The following AATF variants were observed in gnomAD, a reference collection of about 807,000 sequenced individuals.
AATF encodes apoptosis antagonizing transcription factor.
AATF carries 48 observed loss-of-function variants against 63.7 expected under a neutral mutation model. The ratio of observed to expected loss-of-function variants is 0.75; its 90% CI spans 0.60 to 0.96. The LOEUF is 0.96. Ranked by LOEUF, AATF falls within the 40% of genes least tolerant of loss-of-function variation. The pLI is 0.00. For synonymous variants in AATF, 258 were observed against 247.7 expected, an observed-to-expected ratio of 1.04 and a Z score of -0.39; for missense variants, 639 against 685.7, an observed-to-expected ratio of 0.93 and a Z score of 0.76.
At chr17:37,031,329 G>A in intron 10 of AATF, 1 of 466,908 alleles carries the variant, frequency 2.1e-6, no homozygotes, top group South Asian at 2.7e-5. Context: ...GAGCATGTGT[G>A]TAGATTACAT....
At chr17:37,018,831 T>TA in intron 8 of AATF, 174 bp from the exon 9 acceptor site, 1 of 610,226 alleles carries the variant, frequency 1.6e-6, no homozygotes, top group Non-Finnish European at 2.9e-6. Flanking sequence ...TTTAAAGATA[T>TA]ATAACTATGA....
intron 4 of AATF, among the ~76,000 whole-genome samples, chr17:36,967,330 A>G (rs954577739): frequency 2.6e-5 from 4 of 152,190 alleles, no homozygotes; most frequent in African/African-American, 2.4e-5. Flanking sequence ...TAAATACACT[A>G]TGATTATTTT....
intron 8 of AATF, among the ~76,000 whole-genome samples, chr17:37,005,701 C>T (rs1364620317): frequency 6.6e-6 from 1 of 152,134 alleles, no homozygotes; most frequent in African/African-American, 2.4e-5. Flanking sequence ...TTCTTCCTGC[C>T]TTTATTATAA....
At chr17:37,014,553 T>C (rs990356482) in intron 8 of AATF, among the ~76,000 whole-genome samples, 1 of 152,154 alleles carries the variant, frequency 6.6e-6, no homozygotes, top group African/African-American at 2.4e-5. Flanking sequence ...ATCACCTCTT[T>C]ATATGTAACC....
At chr17:37,031,800 C>A in intron 11 of AATF, 115 bp downstream of exon 11, 1 of 870,780 alleles carries the variant, frequency 1.1e-6, no homozygotes, top group Non-Finnish European at 1.9e-6. Flanking sequence ...TTGTCATTGG[C>A]ATCGCAGTAA....
At chr17:37,027,746 A>G (rs1421115216) in intron 10 of AATF, among the ~76,000 whole-genome samples, 2 of 152,170 alleles carry the variant, frequency 1.3e-5, no homozygotes, top group African/African-American at 2.4e-5. Context: ...TTTGTATATT[A>G]TACTTAATTA....
chr17:36,985,404 A>G (rs1363660995), intron 4 of AATF, among the ~76,000 whole-genome samples: 2 of 149,056 alleles, frequency 1.3e-5, no homozygotes, highest in Non-Finnish European at 3.0e-5. Context: ...TCCACCAAGT[A>G]GCTGGAACTA....
At chr17:36,950,148 C>T (rs2070841794) in intron 1 of AATF, 66 bp from the exon 2 acceptor site, 3 of 1,551,176 alleles carry the variant, frequency 1.9e-6, no homozygotes, top group Non-Finnish European at 2.6e-6. Context: ...AATGGGTCGA[C>T]CAGGGTTCCC....
At chr17:37,046,739 A>C (rs1437967191) in intron 11 of AATF, among the ~76,000 whole-genome samples, 8 of 144,650 alleles carry the variant, frequency 5.5e-5, no homozygotes, top group African/African-American at 2.3e-4. Flanking sequence ...CAACACACAC[A>C]CACACACACA....
At chr17:37,021,152 G>C (rs1450481908) in intron 10 of AATF, 138 bp downstream of exon 10, 19 of 597,480 alleles carry the variant, frequency 3.2e-5, no homozygotes, top group Non-Finnish European at 5.1e-5. Flanking sequence ...ATATTTGAAG[G>C]TTTATTGCAA....
At position 36,949,030 on chromosome 17, in the gene AATF, C is replaced by A. The variant is rs1003324251; in HGVS notation, c.-96C>A. The A allele has an allele frequency of 6.2e-5, 72 of 1,167,178 alleles. No individual in the cohort carries two copies. The highest frequency in any genetic ancestry group is 2.0e-4 in the Middle Eastern group (1 of 5,102). The allele number at this position is 1,167,178 out of a possible 1,614,324, so 72.3% of individuals were successfully genotyped here. A position where few individuals can be genotyped will look rare whatever the true frequency, so the allele number is the denominator to read the frequency against. The stretch of plus-strand genomic sequence containing the variant: ...CTCTGGCGGAGTCGGGGAATCGGAT[C>A]AAGGCGAGAGGATCCGGCAGGGAAG... On this transcript the variant is annotated 5_prime_UTR_variant, in exon 1 of 12. Transcript: ENST00000619387.
At chr17:37,031,519 G>A (rs2071551682) in intron 10 of AATF, 95 bp from the exon 11 acceptor site, 2 of 1,008,500 alleles carry the variant, frequency 2.0e-6, no homozygotes, top group Non-Finnish European at 3.2e-6. Flanking sequence ...ATGTTCCAGT[G>A]ATCAGTTCTG....
At chr17:37,048,757 A>G (rs1487042201) in intron 11 of AATF, among the ~76,000 whole-genome samples, 5 of 152,176 alleles carry the variant, frequency 3.3e-5, no homozygotes, top group South Asian at 2.1e-4. Context: ...CACAGCCCCA[A>G]AGAGCACAGG....
intron 4 of AATF, among the ~76,000 whole-genome samples, chr17:36,958,053 T>TA (rs1338015992): frequency 6.6e-6 from 1 of 152,260 alleles, no homozygotes; most frequent in Admixed American, 6.5e-5. Flanking sequence ...CATCGTCTGA[T>TA]ATTTTAGTGG....
intron 2 of AATF, among the ~76,000 whole-genome samples, chr17:36,952,407 G>A (rs970985942): frequency 1.3e-5 from 2 of 152,182 alleles, no homozygotes; most frequent in African/African-American, 4.8e-5. Flanking sequence ...TGCTTAATAA[G>A]TATTTAGTAA....
chr17:36,952,427 A>G (rs1210097109), intron 2 of AATF, among the ~76,000 whole-genome samples: 1 of 152,240 alleles, frequency 6.6e-6, no homozygotes, highest in Non-Finnish European at 1.5e-5. Context: ...AATAGGGCAG[A>G]CGGATGTGAT....
intron 10 of AATF, among the ~76,000 whole-genome samples, chr17:37,029,587 A>G (rs1379461607): frequency 1.3e-4 from 20 of 150,494 alleles, no homozygotes; most frequent in Admixed American, 1.2e-3. Context: ...TTTATTTTTG[A>G]AACAAAATCT....
At chr17:37,016,577 C>T (rs1433676548) in intron 8 of AATF, among the ~76,000 whole-genome samples, 1 of 152,150 alleles carries the variant, frequency 6.6e-6, no homozygotes, top group Non-Finnish European at 1.5e-5. Context: ...ACTATATCAT[C>T]ATTGTTGAAA....
At chr17:37,035,802 T>TA (rs1381470789) in intron 11 of AATF, among the ~76,000 whole-genome samples, 6 of 152,232 alleles carry the variant, frequency 3.9e-5, no homozygotes, top group Non-Finnish European at 5.9e-5. Flanking sequence ...TTGTAGGAGA[T>TA]AGTCTTTAAT....
Sources: allele counts gnomAD v4.1 joint callset (sites outside exome capture counted in the v4.1 genomes callset), GRCh38; gene constraint gnomAD v4.1.1; transcripts MANE v1.5; gene names NCBI Gene and HGNC (gene_info 2026-07-23, HGNC 2026-07-21).